The following ZBTB40 variants were observed in gnomAD, a reference collection of about 807,000 sequenced individuals.
ZBTB40 encodes zinc finger and BTB domain containing 40.
In ZBTB40, 60 loss-of-function variants were observed where a neutral mutation model predicts 117.5. The ratio of observed to expected loss-of-function variants is 0.51; its 90% CI spans 0.41 to 0.63. ZBTB40 has a LOEUF of 0.63. Among genes scored for constraint, ZBTB40 ranks in the 30% least tolerant of loss-of-function variants. The pLI, the probability that ZBTB40 is intolerant of heterozygous loss-of-function variation, is 0.00. For missense variants in ZBTB40, 1,287 were observed against 1,498.5 expected (o/e 0.86, Z 2.33); for synonymous variants, 525 against 577.1 (o/e 0.91, Z 1.29).
At chr1:22,507,370 G>T (rs2124451527) in intron 6 of ZBTB40, among the ~76,000 whole-genome samples, 1 of 152,306 alleles carries the variant, frequency 6.6e-6, no homozygotes, top group East Asian at 1.9e-4. Context: ...CAAAGATTAT[G>T]CTTTGATAGT....
Position 22,472,185 on chromosome 1 carries a change from C to CT in ZBTB40, c.-69-17682dup, listed in dbSNP as rs113978058. On this transcript the variant is annotated intron_variant, in intron 1 of 17. Coordinates refer to ENST00000375647, the MANE Select transcript of ZBTB40 (RefSeq NM_014870.4). ...GTCAAGTAAGCATGTAACTGAGCTG[C>CT]TTTTTTTTTTTTTCAGAGTCTTGCT... Among the ~76,000 whole-genome samples, 356 of 143,922 alleles carry CT rather than the reference C, an allele frequency of 2.5e-3. 1 individual carries two copies. Among genetic ancestry groups the CT allele is most frequent in the African/African-American group, 3.6e-3 (143 of 39,472 alleles). The allele number at this position is 143,922 out of a possible 152,430, so 94.4% of individuals were successfully genotyped here. A position where few individuals can be genotyped will look rare whatever the true frequency, so the allele number is the denominator to read the frequency against.
intron 1 of ZBTB40, among the ~76,000 whole-genome samples, chr1:22,436,330 T>C (rs914421434): frequency 6.6e-6 from 1 of 151,954 alleles, no homozygotes; most frequent in Non-Finnish European, 1.5e-5. Context: ...GCTAACATGG[T>C]GAAACCCTGT....
chr1:22,471,369 T>C (rs1295347359), intron 1 of ZBTB40, among the ~76,000 whole-genome samples: 2 of 152,238 alleles, frequency 1.3e-5, no homozygotes, highest in Non-Finnish European at 2.9e-5. Flanking sequence ...CCAGAAATAC[T>C]GTCAGCCAGA....
rs185459186 is a variant in ZBTB40, at chr1:22,455,448, C to T, written c.-70+3444C>T. On this transcript the variant is annotated intron_variant, in intron 1 of 17. Transcript: ENST00000375647. The stretch of plus-strand genomic sequence containing the variant: ...TGGCAGGTTTCGCTTTAAACTCTCC[C>T]TAGTAACCATATTGCACATGTCATC... Among the ~76,000 whole-genome samples the T allele has an allele frequency of 1.1e-3, 165 of 152,304 alleles. 1 individual carries two copies. The highest frequency in any genetic ancestry group is 3.7e-3 in the African/African-American group (155 of 41,570).
intron 3 of ZBTB40, among the ~76,000 whole-genome samples, chr1:22,493,616 C>G (rs1051035072): frequency 1.3e-5 from 2 of 152,112 alleles, no homozygotes; most frequent in African/African-American, 4.8e-5. Flanking sequence ...CTTCTTGTCC[C>G]TGTGTACTAC....
chr1:22,495,527 T>G (rs1014680166), intron 3 of ZBTB40, among the ~76,000 whole-genome samples: 1 of 151,990 alleles, frequency 6.6e-6, no homozygotes, highest in Non-Finnish European at 1.5e-5. Flanking sequence ...GTTTTGTTTT[T>G]TTGAGACGGA....
At chr1:22,491,579 C>T in intron 3 of ZBTB40, 46 bp downstream of exon 3, 1 of 1,605,770 alleles carries the variant, frequency 6.2e-7, no homozygotes, top group Non-Finnish European at 8.5e-7. Flanking sequence ...TTAGTGTTCT[C>T]AGGATACCTT....
intron 17 of ZBTB40, 89 bp from the exon 18 acceptor site, chr1:22,526,110 TATC>T: frequency 1.4e-6 from 2 of 1,469,606 alleles, no homozygotes; most frequent in Non-Finnish European, 1.9e-6. Context: ...AAAACATAAA[TATC>T]ATCATTACAG....
intron 1 of ZBTB40, among the ~76,000 whole-genome samples, chr1:22,467,701 C>G (rs1344341421): frequency 6.6e-6 from 1 of 151,672 alleles, no homozygotes; most frequent in African/African-American, 2.4e-5. Context: ...TCTTGAACTC[C>G]TGACCTCAAG....
upstream of ZBTB40, among the ~76,000 whole-genome samples, chr1:22,447,786 T>G (rs373062298): frequency 6.6e-6 from 1 of 152,308 alleles, no homozygotes; most frequent in East Asian, 1.9e-4. Context: ...CTGAGTCATT[T>G]GGCAAATTCC....
At chr1:22,523,510 C>T (rs1326916127) in intron 16 of ZBTB40, among the ~76,000 whole-genome samples, 2 of 152,210 alleles carry the variant, frequency 1.3e-5, no homozygotes, top group African/African-American at 2.4e-5. Flanking sequence ...ACAGTGTTTA[C>T]TCTGCCATCA....
At chr1:22,497,501 A>G (rs717200) in intron 3 of ZBTB40, among the ~76,000 whole-genome samples, 2,837 of 152,302 alleles carry the variant, frequency 0.019, 54 homozygotes, top group Non-Finnish European at 0.027. Flanking sequence ...CCTTTCTGTT[A>G]ATGATTAAGC....
chr1:22,443,887 T>C (rs1390126201), intron 1 of ZBTB40, among the ~76,000 whole-genome samples: 1 of 152,226 alleles, frequency 6.6e-6, no homozygotes, highest in African/African-American at 2.4e-5. Flanking sequence ...TGCTGATCAG[T>C]AGTGTATAAA....
rs1175619994 is a variant in ZBTB40 at position 22,490,066 on chromosome 1, C to T, written c.118C>T (p.Leu40Phe). 6.2e-7 allele frequency: 1 copy of T among 1,614,204 alleles called. No individual in the cohort carries two copies. Among genetic ancestry groups the T allele is most frequent in the East Asian group, 2.2e-5 (1 of 44,876 alleles). ...TACCATTTACTTCAGGGCTCACAAGCTTGTCCTGGCTGCTGCCAGCCTCCT... is the reference window on the plus strand; with the variant it reads ...TACCATTTACTTCAGGGCTCACAAGTTTGTCCTGGCTGCTGCCAGCCTCCT... ...IGTIYFRAHK[L>F]VLAAASLLFK... Residue 40 changes from leucine (L) to phenylalanine (F), a missense_variant, in exon 2 of 18, where the codon CTT (leucine) becomes TTT (phenylalanine). Leu to Phe is a conservative substitution (Grantham distance 22). Around this residue, in one of 2 missense-constraint regions of ZBTB40, gnomAD observed 870 missense variants for 934.4 expected, o/e 0.93. Transcript: ENST00000375647.
At chr1:22,473,536 T>C (rs192984294) in intron 1 of ZBTB40, among the ~76,000 whole-genome samples, 1 of 152,190 alleles carries the variant, frequency 6.6e-6, no homozygotes, top group Non-Finnish European at 1.5e-5. Context: ...GGTTATTTGA[T>C]AAATAATATT....
upstream of ZBTB40, among the ~76,000 whole-genome samples, chr1:22,447,259 T>C (rs1640800087): frequency 1.3e-5 from 2 of 152,226 alleles, no homozygotes; most frequent in Admixed American, 1.3e-4. Flanking sequence ...CATGCTGGCT[T>C]GCTGTCTGCA....
At chr1:22,433,756 A>G (rs929221977) in intron 1 of ZBTB40, among the ~76,000 whole-genome samples, 41 of 151,500 alleles carry the variant, frequency 2.7e-4, no homozygotes, top group African/African-American at 9.2e-4. Flanking sequence ...CTTTAAAACT[A>G]CATAATACAG....
At chr1:22,462,878 C>T (rs1427337718) in intron 1 of ZBTB40, among the ~76,000 whole-genome samples, 1 of 152,156 alleles carries the variant, frequency 6.6e-6, no homozygotes. Context: ...AATTATGTGA[C>T]ATTTGACATA....
intron 1 of ZBTB40, among the ~76,000 whole-genome samples, chr1:22,469,832 C>T (rs1285443442): frequency 6.6e-6 from 1 of 152,110 alleles, no homozygotes; most frequent in Non-Finnish European, 1.5e-5. Flanking sequence ...CCAGTGTGCC[C>T]GGCCCCACCT....
Sources: allele counts gnomAD v4.1 joint callset (sites outside exome capture counted in the v4.1 genomes callset), GRCh38; gene constraint gnomAD v4.1.1; regional missense constraint gnomAD v4.1.1; transcripts MANE v1.5; gene names NCBI Gene and HGNC (gene_info 2026-07-23, HGNC 2026-07-21).